Variants in DCAF6 observed in about 807,000 individuals in gnomAD.
DCAF6 encodes DDB1 and CUL4 associated factor 6.
In DCAF6, 54 loss-of-function variants were observed where a neutral mutation model predicts 125.1. The observed-to-expected ratio is 0.43, with a 90% CI of 0.35 to 0.54. The LOEUF (loss-of-function observed/expected upper bound fraction) is 0.54. Ranked by LOEUF, DCAF6 falls within the 20% of genes least tolerant of loss-of-function variation. DCAF6 has a pLI of 0.01. For missense variants in DCAF6, 934 were observed against 1,161.7 expected, an observed-to-expected ratio of 0.80 and a Z score of 2.85; for synonymous variants, 371 against 390.4, an observed-to-expected ratio of 0.95 and a Z score of 0.58.
intron 16 of DCAF6, among the ~76,000 whole-genome samples, chr1:168,045,591 G>A (rs1689068365): frequency 6.6e-6 from 1 of 152,070 alleles, no homozygotes. Context: ...TATCAGTGTT[G>A]TTTTGGTTTT....
rs778642156 is a variant in DCAF6 at position 167,989,860 on chromosome 1, C to CA, written c.553-1329dup. 9.7e-3 allele frequency among the ~76,000 whole-genome samples: 1,214 copies of CA among 125,536 alleles called. 13 individuals carry two copies. The highest frequency in any genetic ancestry group is 0.028 in the African/African-American group (955 of 34,092). The allele number at this position is 125,536 out of a possible 152,430, so 82.4% of individuals were successfully genotyped here. A position where few individuals can be genotyped will look rare whatever the true frequency, so the allele number is the denominator to read the frequency against. On this transcript the variant is annotated intron_variant, in intron 5 of 21. Coordinates refer to ENST00000367840, the MANE Select transcript of DCAF6 (RefSeq NM_001198956.2). ...CTGGCGACAGAGCAAAATTCTATCTCAAAAAAAAAAAAAAATTACTGAGAA... is the reference window on the plus strand; with the variant it reads ...CTGGCGACAGAGCAAAATTCTATCTCAAAAAAAAAAAAAAAATTACTGAGAA...
At chr1:168,024,318 T>C (rs1274242361) in intron 12 of DCAF6, among the ~76,000 whole-genome samples, 1 of 152,018 alleles carries the variant, frequency 6.6e-6, no homozygotes, top group East Asian at 1.9e-4. Context: ...AAATTAGCAC[T>C]AAAGCCATAA....
intron 17 of DCAF6, among the ~76,000 whole-genome samples, chr1:168,063,345 G>A (rs531306785): frequency 3.9e-5 from 6 of 152,022 alleles, no homozygotes; most frequent in Admixed American, 2.0e-4. Context: ...TTATAAAATA[G>A]CCCTTTAAAA....
intron 21 of DCAF6, among the ~76,000 whole-genome samples, chr1:168,069,105 A>G (rs1179539866): frequency 1.3e-5 from 2 of 152,164 alleles, no homozygotes; most frequent in Non-Finnish European, 2.9e-5. Flanking sequence ...ACTATAATGT[A>G]TCAGGCTTAT....
chr1:167,975,128 T>A, intron 4 of DCAF6, 113 bp downstream of exon 4: 2 of 533,294 alleles, frequency 3.8e-6, no homozygotes, highest in Non-Finnish European at 6.1e-6. Flanking sequence ...GTATGCACAT[T>A]TGATGCATAT....
At chr1:168,041,890 TCGCGCACA>T (rs1558017369) in intron 13 of DCAF6, among the ~76,000 whole-genome samples, 3 of 89,520 alleles carry the variant, frequency 3.4e-5, no homozygotes, top group South Asian at 6.0e-4. Flanking sequence ...TACATGTTTG[TCGCGCACA>T]CACACACACA....
chr1:168,049,964 T>C (rs1400293149), intron 16 of DCAF6, among the ~76,000 whole-genome samples: 1 of 150,964 alleles, frequency 6.6e-6, no homozygotes, highest in Admixed American at 6.6e-5. Context: ...CTGTATAATT[T>C]TTTTTTTTTT....
chr1:168,050,904 A>C lies in DCAF6; in HGVS notation c.2271A>C (p.Arg757Ser). The C allele has an allele frequency of 7.2e-7, 1 of 1,381,422 alleles. No individual in the cohort carries two copies. Among genetic ancestry groups the C allele is most frequent in the Non-Finnish European group, 9.6e-7 (1 of 1,043,976 alleles). 85.6% of individuals were successfully genotyped at this position (1,381,422 alleles called of 1,614,324 possible). Residue 757 changes from arginine to serine, a missense_variant, in exon 17 of 22, where the codon AGA (arginine) becomes AGC (serine). Physicochemically the swap from Arg to Ser is moderately radical, Grantham distance 110 (BLOSUM62 -1). Around this residue, in one of 5 missense-constraint regions of DCAF6, gnomAD observed 559 missense variants for 635.5 expected, o/e 0.88. Coordinates refer to ENST00000367840, the MANE Select transcript of DCAF6 (RefSeq NM_001198956.2). ...RAGPGDRFNI[R>S]GTTIGDRIMR... ...TTCCCTTCACTAGATTTAATATCAG[A>C]GGAACAACAATAGGTGATAGAATAA... is the stretch of plus-strand genomic sequence containing the variant.
In DCAF6 at chr1:168,050,870, GTTA is replaced by G. The variant is rs1689824078; in HGVS notation, c.2259-19_2259-17del. 2.3e-6 allele frequency: 3 copies of G among 1,305,288 alleles called. No homozygotes were observed. The highest frequency in any genetic ancestry group is 3.0e-6 in the Non-Finnish European group (3 of 995,398). 80.9% of individuals were successfully genotyped at this position (1,305,288 alleles called of 1,614,324 possible). On this transcript the variant is annotated intron_variant, in intron 16 of 21. Coordinates refer to ENST00000367840, the MANE Select transcript of DCAF6 (RefSeq NM_001198956.2). ...TTTGAAGTCTTTGTAAGTGATTTCA[GTTA>G]TTGTGTTCCCTTCACTAGATTTAAT...
In DCAF6 at chr1:167,993,421, C is replaced by T. The variant is rs142328126; in HGVS notation, c.884C>T (p.Ala295Val). 3.8e-4 allele frequency: 611 copies of T among 1,613,628 alleles called. 2 individuals carry two copies. The highest frequency in any genetic ancestry group is 1.9e-3 in the South Asian group (171 of 91,066). ...DTARELKTPS[A>V]EERREELRQP... is the part of the protein sequence containing the mutation. ...GCACGAGAACTTAAAACTCCTTCTG[C>T]GGAAGAGAGAAGAGAAGAGGTAGGT... The change falls in exon 7 of 22, where the codon GCG becomes GTG. Residue 295 changes from alanine to valine, a missense_variant. Physicochemically the swap from Ala to Val is moderately conservative, Grantham distance 64 (BLOSUM62 0). Coordinates refer to ENST00000367840, the MANE Select transcript of DCAF6 (RefSeq NM_001198956.2).
At chr1:167,986,167 C>T (rs184655621) in intron 4 of DCAF6, among the ~76,000 whole-genome samples, 1 of 152,300 alleles carries the variant, frequency 6.6e-6, no homozygotes, top group East Asian at 1.9e-4. Context: ...AATAGTGCTG[C>T]TGTGAACATT....
intron 12 of DCAF6, among the ~76,000 whole-genome samples, chr1:168,035,480 G>A (rs182110446): frequency 2.6e-5 from 4 of 152,248 alleles, no homozygotes; most frequent in Admixed American, 2.6e-4. Context: ...ACCTGGAGTT[G>A]AAGAAACCAG....
the DCAF6 span, chr1:167,920,737 C>A: frequency 1.8e-6 from 2 of 1,128,570 alleles, no homozygotes; most frequent in South Asian, 1.9e-5. Flanking sequence ...AAGTTAGCAG[C>A]TATAATTTTA....
intron 1 of DCAF6, among the ~76,000 whole-genome samples, chr1:167,940,880 C>T (rs1672135414): frequency 6.6e-6 from 1 of 152,076 alleles, no homozygotes; most frequent in African/African-American, 2.4e-5. Flanking sequence ...TATGATTAGG[C>T]AGCCAGTGAC....
In DCAF6 at chr1:167,998,666, G is replaced by C. The variant is rs189709980; in HGVS notation, c.904-3816G>C. On this transcript the variant is annotated intron_variant, in intron 7 of 21. Coordinates refer to ENST00000367840, the MANE Select transcript of DCAF6 (RefSeq NM_001198956.2). ...ATCTTCACTAGGAGTTGCTTCTTAC[G>C]GATGAGCAAAGAAAGTGGTTTGCGC... is the stretch of plus-strand genomic sequence containing the variant. 3 of 153,442 alleles carry C rather than the reference G, an allele frequency of 2.0e-5. No homozygotes were observed. The East Asian group carries it at 5.9e-4, about 30-fold the overall frequency. The allele number at this position is 153,442 out of a possible 1,614,324, so 9.5% of individuals were successfully genotyped here.
At chr1:168,001,556 G>C (rs1276451197) in intron 7 of DCAF6, among the ~76,000 whole-genome samples, 1 of 152,138 alleles carries the variant, frequency 6.6e-6, no homozygotes, top group Non-Finnish European at 1.5e-5. Context: ...ATTGAATATA[G>C]AATTTTCTCA....
At chr1:168,011,710 G>T (rs1684308422) in intron 10 of DCAF6, among the ~76,000 whole-genome samples, 1 of 152,162 alleles carries the variant, frequency 6.6e-6, no homozygotes, top group South Asian at 2.1e-4. Flanking sequence ...AGGTGTGGTA[G>T]CTCATGCCTG....
chr1:168,043,508 T>C (rs1171425171), intron 14 of DCAF6, among the ~76,000 whole-genome samples: 1 of 152,140 alleles, frequency 6.6e-6, no homozygotes, highest in Admixed American at 6.6e-5. Context: ...GAAAAAGGAA[T>C]AGAATCTAAA....
chr1:168,031,779 C>T (rs1409964308), intron 12 of DCAF6, among the ~76,000 whole-genome samples: 1 of 152,054 alleles, frequency 6.6e-6, no homozygotes, highest in Non-Finnish European at 1.5e-5. Flanking sequence ...TTTGGCAGGA[C>T]TCATGTGCCA....
Sources: gnomAD v4.1 joint callset for allele counts (sites outside exome capture counted in the v4.1 genomes callset) on GRCh38, gnomAD v4.1.1 for gene constraint, gnomAD v4.1.1 regional missense constraint, MANE v1.5 for transcripts, NCBI Gene and HGNC (gene_info 2026-07-23, HGNC 2026-07-21) for gene names.